LPP: variants seen among roughly 807,000 people sequenced by gnomAD.
LPP encodes the protein LIM domain containing preferred translocation partner in lipoma.
LPP carries 38 observed loss-of-function variants against 60.4 expected under a neutral mutation model. That is an observed-to-expected ratio of 0.63 (90% CI 0.49 to 0.83). The LOEUF (loss-of-function observed/expected upper bound fraction) is 0.83, where lower values mean the gene tolerates loss of function less well. LPP is among the 40% of genes least tolerant of loss of function. The pLI, the probability that LPP is intolerant of heterozygous loss-of-function variation, is 0.00. For missense variants in LPP, 902 were observed against 783.6 expected (o/e 1.15, Z -1.80); for synonymous variants, 328 against 290.8 (o/e 1.13, Z -1.30).
intron 3 of LPP, among the ~76,000 whole-genome samples, chr3:188,351,209 T>A (rs1005294118): frequency 1.3e-5 from 2 of 152,252 alleles, no homozygotes; most frequent in Non-Finnish European, 2.9e-5. Context: ...GACTATGTTC[T>A]GCAATAGTTT....
intron 8 of LPP, chr3:188,710,810 G>T (rs1174802909): frequency 6.6e-6 from 1 of 151,512 alleles, no homozygotes; most frequent in African/African-American, 2.4e-5. Flanking sequence ...AATATATATT[G>T]AACACTCTGG....
At chr3:188,856,188 T>A (rs1249014399) in intron 9 of LPP, among the ~76,000 whole-genome samples, 1 of 152,184 alleles carries the variant, frequency 6.6e-6, no homozygotes, top group Non-Finnish European at 1.5e-5. Context: ...TATTGGCTCA[T>A]AGACTTCTCT....
chr3:188,546,036 T>C (rs1192674493), intron 6 of LPP, among the ~76,000 whole-genome samples: 1 of 152,208 alleles, frequency 6.6e-6, no homozygotes, highest in Non-Finnish European at 1.5e-5. Context: ...TTGTTTCCAT[T>C]TGTGGAGGAC....
At chr3:188,746,952 A>G (rs1726419682) in intron 8 of LPP, among the ~76,000 whole-genome samples, 1 of 152,138 alleles carries the variant, frequency 6.6e-6, no homozygotes, top group Non-Finnish European at 1.5e-5. Context: ...CTTACCCTCA[A>G]TCTGCCTTCA....
Position 188,283,278 on chromosome 3 carries a change from G to C in LPP, c.-67+57751G>C, listed in dbSNP as rs77602825. On this transcript the variant is annotated intron_variant, in intron 2 of 11. Coordinates refer to ENST00000617246, the MANE Select transcript of LPP (RefSeq NM_001375462.1). ...TTAAAAAGGAGAAAGTGGTTTACATGATGACCTCTGAATTTTTGACTTTGA... is the reference window on the plus strand; with the variant it reads ...TTAAAAAGGAGAAAGTGGTTTACATCATGACCTCTGAATTTTTGACTTTGA... 7.0e-4 allele frequency among the ~76,000 whole-genome samples: 107 copies of C among 152,322 alleles called. 4 individuals are homozygous for C. In the East Asian group the frequency reaches 0.019, roughly 27 times the overall value.
intron 4 of LPP, among the ~76,000 whole-genome samples, chr3:188,480,713 G>A (rs768104735): frequency 6.6e-6 from 1 of 152,162 alleles, no homozygotes; most frequent in Non-Finnish European, 1.5e-5. Flanking sequence ...CTGTAGGTCA[G>A]AGAATCTGGG....
intron 2 of LPP, among the ~76,000 whole-genome samples, chr3:188,229,052 G>A (rs755206106): frequency 2.6e-5 from 4 of 152,184 alleles, no homozygotes; most frequent in Admixed American, 1.3e-4. Context: ...CCTCCTCCGG[G>A]TTGGATGGGC....
intron 2 of LPP, among the ~76,000 whole-genome samples, chr3:188,299,517 C>A (rs1034167226): frequency 1.3e-5 from 2 of 152,116 alleles, no homozygotes; most frequent in Non-Finnish European, 2.9e-5. Flanking sequence ...GCCTGGATAT[C>A]CCCTTAATAG....
chr3:188,162,240 G>A (rs1234007109), intron 1 of LPP, among the ~76,000 whole-genome samples: 1 of 152,190 alleles, frequency 6.6e-6, no homozygotes, highest in Admixed American at 6.5e-5. Flanking sequence ...AAGTTGGCTA[G>A]ATCAGTCTTA....
intron 9 of LPP, among the ~76,000 whole-genome samples, chr3:188,821,421 T>G (rs1220161840): frequency 6.6e-6 from 1 of 151,090 alleles, no homozygotes. Flanking sequence ...TTCATTGTTT[T>G]AGATATTCTT....
intron 2 of LPP, among the ~76,000 whole-genome samples, chr3:188,268,749 C>A (rs926703173): frequency 1.3e-5 from 2 of 152,190 alleles, no homozygotes; most frequent in African/African-American, 4.8e-5. Flanking sequence ...TACTGACTTA[C>A]GCCATTGTGC....
At chr3:188,598,419 G>C (rs917678203) in intron 6 of LPP, among the ~76,000 whole-genome samples, 4 of 152,056 alleles carry the variant, frequency 2.6e-5, no homozygotes, top group African/African-American at 4.8e-5. Flanking sequence ...AATCATAGTG[G>C]ACTGGACTAG....
intron 1 of LPP, among the ~76,000 whole-genome samples, chr3:188,159,912 T>G (rs938955616): frequency 2.6e-5 from 4 of 151,120 alleles, no homozygotes; most frequent in Non-Finnish European, 4.4e-5. Flanking sequence ...TTTGTTTGTT[T>G]GTTTGGTTTG....
At chr3:188,450,550 G>C in intron 4 of LPP, among the ~76,000 whole-genome samples, 1 of 152,110 alleles carries the variant, frequency 6.6e-6, no homozygotes, top group African/African-American at 2.4e-5. Context: ...TTCGAGACCA[G>C]CCTGACCAAC....
At chr3:188,378,861 C>A (rs1776056439) in intron 3 of LPP, among the ~76,000 whole-genome samples, 1 of 152,184 alleles carries the variant, frequency 6.6e-6, no homozygotes, top group Non-Finnish European at 1.5e-5. Flanking sequence ...GCTCCTCCTC[C>A]CTATGTTCCA....
chr3:188,798,838 G>A (rs767448534), intron 9 of LPP, among the ~76,000 whole-genome samples: 12 of 152,330 alleles, frequency 7.9e-5, no homozygotes, highest in Non-Finnish European at 1.0e-4. Flanking sequence ...TCTGTGAAGC[G>A]TCTGTTTAGA....
chr3:188,769,167 A>T (rs927517324), intron 9 of LPP, among the ~76,000 whole-genome samples: 1 of 152,236 alleles, frequency 6.6e-6, no homozygotes, highest in African/African-American at 2.4e-5. Context: ...ATGCTAAAAA[A>T]GTTTTGCATG....
At chr3:188,770,909 T>G (rs994820069) in intron 9 of LPP, among the ~76,000 whole-genome samples, 9 of 152,226 alleles carry the variant, frequency 5.9e-5, no homozygotes, top group Non-Finnish European at 1.0e-4. Context: ...GTTTGTTATA[T>G]GTTCTCACAT....
intron 7 of LPP, among the ~76,000 whole-genome samples, chr3:188,663,603 A>G (rs991994939): frequency 9.2e-5 from 14 of 152,182 alleles, no homozygotes; most frequent in Non-Finnish European, 4.4e-5. Flanking sequence ...TTCAGAACAT[A>G]TGCTGTGTTA....
Sources: allele counts gnomAD v4.1 joint callset (sites outside exome capture counted in the v4.1 genomes callset), GRCh38; gene constraint gnomAD v4.1.1; transcripts MANE v1.5; gene names NCBI Gene and HGNC (gene_info 2026-07-23, HGNC 2026-07-21).